Variants in NEIL2 observed in about 807,000 individuals in gnomAD.
NEIL2 encodes nei like DNA glycosylase 2.
NEIL2 carries 23 observed loss-of-function variants against 22.2 expected under a neutral mutation model. The ratio of observed to expected loss-of-function variants is 1.04; its 90% CI spans 0.75 to 1.47. NEIL2 has a LOEUF of 1.47. Among genes scored for constraint, NEIL2 ranks in the 40% most tolerant of loss-of-function variants. NEIL2 has a pLI of 0.00. For missense variants in NEIL2, 583 were observed against 404.7 expected (o/e 1.44, Z -3.78); for synonymous variants, 229 against 164.8 (o/e 1.39, Z -2.99).
intron 2 of NEIL2, among the ~76,000 whole-genome samples, chr8:11,777,045 G>A (rs984870959): frequency 6.6e-6 from 1 of 152,110 alleles, no homozygotes. Context: ...GGCACACCCT[G>A]TCTCCTCTGC....
At chr8:11,779,474 C>T in intron 2 of NEIL2, 124 bp from the exon 3 acceptor site, 1 of 832,234 alleles carries the variant, frequency 1.2e-6, no homozygotes, top group Non-Finnish European at 2.0e-6. Context: ...AGTCCAAAGA[C>T]TTCATTTGGG....
chr8:11,779,551 C>A lies in NEIL2; in HGVS notation c.139-47C>A. The A allele has an allele frequency of 5.0e-6, 7 of 1,400,400 alleles. 1 individual carries two copies. The highest frequency in any genetic ancestry group is 7.1e-6 in the Non-Finnish European group (7 of 992,772). 86.7% of individuals were successfully genotyped at this position (1,400,400 alleles called of 1,614,324 possible). On this transcript the variant is annotated intron_variant, in intron 2 of 4. Transcript: ENST00000284503. ...GGATAAATATCCGCATTCCCCAGTT[C>A]CCCTCTCTGGGTCTGTAAGGCTTGG... is the stretch of plus-strand genomic sequence containing the variant.
At position 11,783,368 on chromosome 8, in the gene NEIL2, A is replaced by C. The variant is rs1735833986; in HGVS notation, c.657A>C (p.Thr219=). Residue 219 remains threonine, a synonymous_variant, in exon 4 of 5, where the codon ACA becomes ACC. Coordinates refer to ENST00000284503, the MANE Select transcript of NEIL2 (RefSeq NM_145043.4). ...ALGQAQPVCY[T]LLDQRYFSGL... is the part of the protein sequence containing the mutation. ...GCCAGGCTCAGCCTGTCTGCTATACACTGCTGGACCAGAGATACTTCTCAG... is the reference window on the plus strand; with the variant it reads ...GCCAGGCTCAGCCTGTCTGCTATACCCTGCTGGACCAGAGATACTTCTCAG... The C allele has an allele frequency of 6.2e-7, 1 of 1,614,116 alleles. No homozygotes were observed. The highest frequency in any genetic ancestry group is 8.5e-7 in the Non-Finnish European group (1 of 1,179,994).
chr8:11,783,590 C>T (rs1363269806), intron 4 of NEIL2, among the ~76,000 whole-genome samples, 191 bp downstream of exon 4: 1 of 152,346 alleles, frequency 6.6e-6, no homozygotes, highest in East Asian at 1.9e-4. Flanking sequence ...CAGTTTTTAA[C>T]TTGTCTCTCT....
intron 2 of NEIL2, among the ~76,000 whole-genome samples, chr8:11,778,735 T>C (rs980894942): frequency 2.6e-5 from 4 of 151,856 alleles, no homozygotes; most frequent in Admixed American, 1.3e-4. Context: ...GCAGATCGCT[T>C]GAGGTCAGGA....
chr8:11,771,355 A>G, intron 1 of NEIL2, 91 bp from the exon 2 acceptor site: 2 of 1,544,362 alleles, frequency 1.3e-6, no homozygotes, highest in Non-Finnish European at 1.8e-6. Flanking sequence ...GGCAGCAAAA[A>G]TGGCGGCATG....
intron 2 of NEIL2, among the ~76,000 whole-genome samples, chr8:11,774,800 G>T (rs1237439332): frequency 6.6e-6 from 1 of 152,236 alleles, no homozygotes; most frequent in Non-Finnish European, 1.5e-5. Flanking sequence ...CCCCATGCAA[G>T]TCTGAAATCC....
chr8:11,770,828 G>A (rs1302132102), intron 1 of NEIL2, among the ~76,000 whole-genome samples: 2 of 152,150 alleles, frequency 1.3e-5, no homozygotes, highest in East Asian at 3.9e-4. Flanking sequence ...CAGAACCACA[G>A]CTGTTTCTCG....
chr8:11,776,870 G>C (rs1442040796), intron 2 of NEIL2, among the ~76,000 whole-genome samples: 1 of 152,098 alleles, frequency 6.6e-6, no homozygotes, highest in Non-Finnish European at 1.5e-5. Context: ...TGTATCTCCT[G>C]TCTGCTCCTC....
intron 4 of NEIL2, 106 bp from the exon 5 acceptor site, chr8:11,785,857 C>G (rs974826689): frequency 5.9e-6 from 6 of 1,012,744 alleles, no homozygotes; most frequent in Non-Finnish European, 9.4e-6. Flanking sequence ...CGTCTAGGGT[C>G]CCCCAGGACA....
intron 2 of NEIL2, among the ~76,000 whole-genome samples, chr8:11,775,554 A>T (rs1183530867): frequency 6.6e-6 from 1 of 152,218 alleles, no homozygotes; most frequent in Non-Finnish European, 1.5e-5. Context: ...ACTCCTAGTT[A>T]CTTATGCAAA....
Position 11,771,452 on chromosome 8 carries a change from C to T in NEIL2, c.5C>T (p.Pro2Leu). The change falls in exon 2 of 5, where the codon CCA (proline) becomes CTA (leucine). Residue 2 changes from proline (P) to leucine (L), a missense_variant. Pro to Leu is a moderately conservative substitution (Grantham distance 98). Coordinates refer to ENST00000284503, the MANE Select transcript of NEIL2 (RefSeq NM_145043.4). ...TGCCCATTTCTGCCCACAGGGATGC[C>T]AGAAGGGCCGTTGGTGAGGAAATTT... The part of the protein sequence containing the change: M[P>L]EGPLVRKFHH... The T allele has an allele frequency of 1.2e-6, 2 of 1,613,784 alleles. No individual in the cohort carries two copies. Among genetic ancestry groups the T allele is most frequent in the Middle Eastern group, 1.7e-4 (1 of 5,758 alleles).
chr8:11,777,439 A>G (rs957882972), intron 2 of NEIL2, among the ~76,000 whole-genome samples: 3 of 151,998 alleles, frequency 2.0e-5, no homozygotes, highest in African/African-American at 7.3e-5. Flanking sequence ...TATATAGTTC[A>G]GTCATGTTAA....
At position 11,779,869 on chromosome 8, in the gene NEIL2, T is replaced by G; in HGVS notation, c.410T>G (p.Leu137Trp). The change falls in exon 3 of 5, where the codon TTG becomes TGG. Residue 137 changes from leucine (L) to tryptophan (W), a missense_variant. Coordinates refer to ENST00000284503, the MANE Select transcript of NEIL2 (RefSeq NM_145043.4). Reference sequence around the variant, plus strand: ...AGGTGGCTGCGTGTCAGCTTTGGTTTGTTTGGCAGCGTTTGGGTGAACGAT... The same window carrying G: ...AGGTGGCTGCGTGTCAGCTTTGGTTGGTTTGGCAGCGTTTGGGTGAACGAT... Reference protein sequence around the residue: ...AGRWLRVSFGLFGSVWVNDFS... With the variant: ...AGRWLRVSFGWFGSVWVNDFS... 2 of 1,614,040 alleles carry G rather than the reference T, an allele frequency of 1.2e-6. No homozygotes were observed. The highest frequency in any genetic ancestry group is 2.7e-5 in the African/African-American group (2 of 74,966).
In NEIL2 at chr8:11,779,738, C is replaced by G. The variant is rs374346540; in HGVS notation, c.279C>G (p.Ser93Arg). 4 of 1,614,192 alleles carry G rather than the reference C, an allele frequency of 2.5e-6. No individual in the cohort carries two copies. The highest frequency in any genetic ancestry group is 1.7e-5 in the Admixed American group (1 of 60,020). ...AADPKQVGEPSGQKTLDGSSR... is the reference protein window; with the variant it reads ...AADPKQVGEPRGQKTLDGSSR... The stretch of plus-strand genomic sequence containing the variant: ...ACCCAAAGCAGGTCGGGGAGCCCAG[C>G]GGGCAGAAGACCCTTGATGGATCCT... The change falls in exon 3 of 5, where the codon AGC (serine) becomes AGG (arginine). Residue 93 changes from serine (S) to arginine (R), a missense_variant. Transcript: ENST00000284503.
At chr8:11,784,635 A>G (rs894488170) in intron 4 of NEIL2, among the ~76,000 whole-genome samples, 5 of 152,184 alleles carry the variant, frequency 3.3e-5, no homozygotes, top group Admixed American at 2.0e-4. Flanking sequence ...CTCCTTAAGG[A>G]GATCATTGTA....
chr8:11,786,137 A>G lies in NEIL2; in HGVS notation c.863A>G (p.Lys288Arg). ...GRPQHTQVYQ[K>R]EQCPAGHQVM... ...CCGCAGCACACACAGGTCTACCAGA[A>G]AGAACAGTGCCCTGCTGGCCACCAG... is the stretch of plus-strand genomic sequence containing the variant. Residue 288 changes from lysine to arginine, a missense_variant, in exon 5 of 5, where the codon AAA (lysine) becomes AGA (arginine). Coordinates refer to ENST00000284503, the MANE Select transcript of NEIL2 (RefSeq NM_145043.4). 6.2e-7 allele frequency: 1 copy of G among 1,614,052 alleles called. No individual in the cohort carries two copies. The highest frequency in any genetic ancestry group is 8.5e-7 in the Non-Finnish European group (1 of 1,179,996).
chr8:11,776,212 C>T (rs552641035), intron 2 of NEIL2, among the ~76,000 whole-genome samples: 140 of 152,290 alleles, frequency 9.2e-4, no homozygotes, highest in African/African-American at 3.2e-3. Flanking sequence ...TGGCAGCAGG[C>T]AAGAAAGAGC....
intron 2 of NEIL2, among the ~76,000 whole-genome samples, chr8:11,778,601 T>G (rs1804110540): frequency 6.6e-6 from 1 of 152,074 alleles, no homozygotes; most frequent in South Asian, 2.1e-4. Flanking sequence ...TAGAACTGAC[T>G]CATCCTGGAA....
Sources: allele counts gnomAD v4.1 joint callset (sites outside exome capture counted in the v4.1 genomes callset), GRCh38; gene constraint gnomAD v4.1.1; transcripts MANE v1.5; gene names NCBI Gene and HGNC (gene_info 2026-07-23, HGNC 2026-07-21).